WWP1: variants seen among roughly 807,000 people sequenced by gnomAD.
WWP1 encodes the protein NEDD4-like E3 ubiquitin-protein ligase WWP1.
A neutral mutation model predicts 130.6 loss-of-function variants in WWP1; 49 were observed. The ratio of observed to expected loss-of-function variants is 0.38; its 90% CI spans 0.30 to 0.48. The LOEUF (loss-of-function observed/expected upper bound fraction) is 0.48, where lower values mean the gene tolerates loss of function less well. Ranked by LOEUF, WWP1 falls within the 20% of genes least tolerant of loss-of-function variation. WWP1 has a pLI of 0.99. For missense variants in WWP1, 809 were observed against 1,100.6 expected (o/e 0.74, Z 3.75); for synonymous variants, 332 against 367.8 (o/e 0.90, Z 1.11).
chr8:86,379,414 C>T (rs76874104), intron 3 of WWP1, among the ~76,000 whole-genome samples: 111 of 152,248 alleles, frequency 7.3e-4, no homozygotes, highest in African/African-American at 2.6e-3. Context: ...ATTATTCTCT[C>T]ACAATAGAAT....
intron 7 of WWP1, 140 bp from the exon 8 acceptor site, chr8:86,401,879 T>C: frequency 1.2e-6 from 1 of 808,706 alleles, no homozygotes; most frequent in Non-Finnish European, 1.8e-6. Context: ...ACTCAATTGT[T>C]TGGAAATAGA....
chr8:86,363,113 C>T (rs1262772762), intron 1 of WWP1, among the ~76,000 whole-genome samples: 1 of 152,040 alleles, frequency 6.6e-6, no homozygotes, highest in African/African-American at 2.4e-5. Flanking sequence ...ATTCATGATC[C>T]ATGAATGGGG....
chr8:86,354,023 T>A (rs2130134531), intron 1 of WWP1, among the ~76,000 whole-genome samples: 1 of 152,352 alleles, frequency 6.6e-6, no homozygotes, highest in Admixed American at 6.5e-5. Context: ...ATTAACGTAT[T>A]GGCTATTTAG....
chr8:86,364,666 C>T (rs1203433568), intron 1 of WWP1, among the ~76,000 whole-genome samples: 1 of 151,968 alleles, frequency 6.6e-6, no homozygotes, highest in African/African-American at 2.4e-5. Context: ...ATTAACCAGG[C>T]ATGGTGGTGC....
At chr8:86,435,821 G>T in intron 16 of WWP1, 117 bp downstream of exon 16, 1 of 888,262 alleles carries the variant, frequency 1.1e-6, no homozygotes, top group Admixed American at 2.7e-5. Flanking sequence ...TAATAATAAT[G>T]ACTGCCACCA....
intron 24 of WWP1, among the ~76,000 whole-genome samples, chr8:86,462,586 G>A (rs528845652): frequency 2.8e-4 from 43 of 152,216 alleles, no homozygotes; most frequent in Non-Finnish European, 4.9e-4. Context: ...CAGAAAAATC[G>A]GCCAGAAAAC....
Position 86,342,743 on chromosome 8 carries a change from G to C in WWP1, c.-302G>C. The C allele has an allele frequency of 2.8e-6, 1 of 361,634 alleles. No homozygotes were observed. The highest frequency in any genetic ancestry group is 4.7e-5 in the Admixed American group (1 of 21,270). The allele number at this position is 361,634 out of a possible 1,614,324, so 22.4% of individuals were successfully genotyped here. A position where few individuals can be genotyped will look rare whatever the true frequency, so the allele number is the denominator to read the frequency against. ...TGGGGGGAGGGTCGGGTGTCGGCGA[G>C]CTCCGCGTGCGGGTTCCGAGTGGCT... On this transcript the variant is annotated 5_prime_UTR_variant, in exon 1 of 25. Transcript: ENST00000517970.
chr8:86,345,589 T>C (rs1822529629), intron 1 of WWP1, among the ~76,000 whole-genome samples: 2 of 152,000 alleles, frequency 1.3e-5, no homozygotes, highest in Middle Eastern at 6.8e-3. Flanking sequence ...TTTGTATTTT[T>C]TTTTTAGAGA....
chr8:86,379,312 C>T (rs1239016661), intron 3 of WWP1, among the ~76,000 whole-genome samples: 1 of 152,140 alleles, frequency 6.6e-6, no homozygotes, highest in Non-Finnish European at 1.5e-5. Flanking sequence ...TCTTTAATTG[C>T]TATGTTGCCG....
In WWP1 at chr8:86,435,388, A is replaced by G. The variant is rs990340830; in HGVS notation, c.1602-64A>G. On this transcript the variant is annotated intron_variant, in intron 14 of 24. Coordinates refer to ENST00000517970, the MANE Select transcript of WWP1 (RefSeq NM_007013.4). ...TTGGACTTTAGTACACTCTGATTTT[A>G]TACTGAATACTAAATATTCAACTTT... 6 of 1,528,612 alleles carry G rather than the reference A, an allele frequency of 3.9e-6. No homozygotes were observed. In the South Asian group the frequency reaches 6.9e-5, roughly 18 times the overall value. 94.7% of individuals were successfully genotyped at this position (1,528,612 alleles called of 1,614,324 possible).
chr8:86,347,833 A>G lies in WWP1; in HGVS notation c.-115+4903A>G, dbSNP rs1044671683. On this transcript the variant is annotated intron_variant, in intron 1 of 24. Coordinates refer to ENST00000517970, the MANE Select transcript of WWP1 (RefSeq NM_007013.4). Reference sequence around the variant, plus strand: ...TTTTTGAGGATATAAATGAGGATCTAATTTCCAAAATATATATAGATTGGG... The same window carrying G: ...TTTTTGAGGATATAAATGAGGATCTGATTTCCAAAATATATATAGATTGGG... Among the ~76,000 whole-genome samples, 4 of 152,208 alleles carry G rather than the reference A, an allele frequency of 2.6e-5. 1 individual carries two copies. Among genetic ancestry groups the G allele is most frequent in the Admixed American group, 2.6e-4 (4 of 15,288 alleles).
At chr8:86,448,589 C>T (rs1334580794) in intron 20 of WWP1, 76 bp downstream of exon 20, 2 of 1,389,392 alleles carry the variant, frequency 1.4e-6, no homozygotes, top group Non-Finnish European at 9.6e-7. Context: ...CCCTTAATTT[C>T]ATCCCCTTTT....
chr8:86,467,614 GT>G lies in WWP1; in HGVS notation c.*724del, dbSNP rs1358131380. ...GAAGGATTCATTGAGCAGCATAGAA[GT>G]TTGTTTACATGTTACTTTGAGATGC... On this transcript the variant is annotated 3_prime_UTR_variant, in exon 25 of 25. Coordinates refer to ENST00000517970, the MANE Select transcript of WWP1 (RefSeq NM_007013.4). 1 of 152,044 alleles carries G rather than the reference GT, an allele frequency of 6.6e-6. No homozygotes were observed. The highest frequency in any genetic ancestry group is 1.5e-5 in the Non-Finnish European group (1 of 67,982). 9.4% of individuals were successfully genotyped at this position (152,044 alleles called of 1,614,324 possible).
intron 1 of WWP1, among the ~76,000 whole-genome samples, chr8:86,344,099 A>G (rs1316610623): frequency 6.6e-6 from 1 of 152,210 alleles, no homozygotes; most frequent in African/African-American, 2.4e-5. Flanking sequence ...GTTTTTAGCC[A>G]TCAAGTAGTA....
intron 1 of WWP1, among the ~76,000 whole-genome samples, chr8:86,354,668 G>A (rs1044989495): frequency 2.6e-5 from 4 of 152,104 alleles, no homozygotes; most frequent in South Asian, 4.1e-4. Context: ...ATAACAAAAT[G>A]TGGCAGTACT....
chr8:86,362,130 G>GTATATATATACTAGGCA (rs1563465708), intron 1 of WWP1, among the ~76,000 whole-genome samples: 3 of 70,898 alleles, frequency 4.2e-5, no homozygotes, highest in African/African-American at 1.8e-4. Context: ...CTAGGCATAT[G>GTATATATATACTAGGCA]TATATATATA....
intron 10 of WWP1, among the ~76,000 whole-genome samples, chr8:86,425,830 G>A (rs1030017395): frequency 3.9e-5 from 6 of 152,162 alleles, no homozygotes; most frequent in African/African-American, 1.4e-4. Context: ...CTATTAGGCT[G>A]TCATTCAAGG....
chr8:86,418,175 C>T (rs901943684), intron 9 of WWP1, among the ~76,000 whole-genome samples: 3 of 152,044 alleles, frequency 2.0e-5, no homozygotes, highest in African/African-American at 2.4e-5. Context: ...AATATTTAAT[C>T]GACAAATATT....
chr8:86,355,562 T>A (rs1318634150), intron 1 of WWP1, among the ~76,000 whole-genome samples: 2 of 152,216 alleles, frequency 1.3e-5, no homozygotes, highest in African/African-American at 4.8e-5. Context: ...AATAAGAGAT[T>A]ATACTGAAGT....
Sources: gnomAD v4.1 joint callset for allele counts (sites outside exome capture counted in the v4.1 genomes callset) on GRCh38, gnomAD v4.1.1 for gene constraint, MANE v1.5 for transcripts, NCBI Gene and HGNC (gene_info 2026-07-23, HGNC 2026-07-21) for gene names.